The following CTSC variants were observed in gnomAD, a reference collection of about 807,000 sequenced individuals.
CTSC encodes the protein cathepsin C, also known as dipeptidyl peptidase 1.
CTSC carries 37 observed loss-of-function variants against 40.9 expected under a neutral mutation model. The ratio of observed to expected loss-of-function variants is 0.91; its 90% confidence interval spans 0.70 to 1.19. The LOEUF (loss-of-function observed/expected upper bound fraction) is 1.19, where lower values mean the gene tolerates loss of function less well. Ranked by LOEUF, CTSC falls within the 50% of genes most tolerant of loss-of-function variation. The probability of loss-of-function intolerance (pLI) is 0.00; values close to 1 mark genes in which losing one functional copy is unlikely to be tolerated. For missense variants in CTSC, 594 were observed against 567.3 expected, an observed-to-expected ratio of 1.05 and a Z score of -0.48; for synonymous variants, 232 against 207.4, an observed-to-expected ratio of 1.12 and a Z score of -1.02.
chr11:88,311,440 A>G (rs1050513012), intron 3 of CTSC, among the ~76,000 whole-genome samples: 4 of 152,212 alleles, frequency 2.6e-5, no homozygotes, highest in African/African-American at 9.7e-5. Flanking sequence ...TGATTTGTAC[A>G]TGTACATTTT....
At chr11:88,296,086 C>A in intron 6 of CTSC, 47 bp downstream of exon 6, 2 of 1,608,100 alleles carry the variant, frequency 1.2e-6, no homozygotes, top group Non-Finnish European at 1.7e-6. Flanking sequence ...CAGCCAGCTG[C>A]ACACAGGTAA....
intron 2 of CTSC, among the ~76,000 whole-genome samples, chr11:88,327,439 A>G (rs1183670671): frequency 6.6e-6 from 1 of 152,128 alleles, no homozygotes; most frequent in Non-Finnish European, 1.5e-5. Context: ...GTAAGTCTCT[A>G]TTAATTTTAC....
At chr11:88,319,561 T>C (rs1403141006) in intron 2 of CTSC, among the ~76,000 whole-genome samples, 2 of 152,178 alleles carry the variant, frequency 1.3e-5, no homozygotes, top group Non-Finnish European at 2.9e-5. Context: ...ACAGGGACTC[T>C]AACATTACTT....
chr11:88,336,038 T>C (rs1445855504), intron 1 of CTSC, among the ~76,000 whole-genome samples: 1 of 152,252 alleles, frequency 6.6e-6, no homozygotes, highest in East Asian at 1.9e-4. Flanking sequence ...GACCTGTGGG[T>C]GCCTTTAATT....
At chr11:88,310,552 T>C (rs1200314090) in intron 3 of CTSC, among the ~76,000 whole-genome samples, 1 of 152,190 alleles carries the variant, frequency 6.6e-6, no homozygotes, top group Non-Finnish European at 1.5e-5. Context: ...TTATAAATCA[T>C]GTGTGTAGAG....
chr11:88,306,274 G>C (rs1937630949), intron 4 of CTSC, among the ~76,000 whole-genome samples: 1 of 152,146 alleles, frequency 6.6e-6, no homozygotes, highest in African/African-American at 2.4e-5. Context: ...AGATGAAAAA[G>C]TTAGTAATGT....
chr11:88,324,636 A>AT, intron 2 of CTSC: 3 of 984,770 alleles, frequency 3.0e-6, no homozygotes, highest in Non-Finnish European at 3.6e-6. Flanking sequence ...AGAAATACAG[A>AT]TTTTCAATCT....
chr11:88,335,899 G>T (rs1240376685), intron 1 of CTSC, among the ~76,000 whole-genome samples: 2 of 152,112 alleles, frequency 1.3e-5, no homozygotes, highest in Admixed American at 1.3e-4. Context: ...CTCCTCAAAG[G>T]CTCTACAGTT....
chr11:88,327,517 A>G (rs1351266137), intron 2 of CTSC, among the ~76,000 whole-genome samples: 1 of 152,210 alleles, frequency 6.6e-6, no homozygotes, highest in African/African-American at 2.4e-5. Context: ...AATGATTTAA[A>G]CATCTATTCT....
chr11:88,294,258 G>A lies in CTSC; in HGVS notation c.1140C>T (p.Phe380=), dbSNP rs1555025799. Residue 380 remains phenylalanine, a synonymous_variant, in exon 7 of 7, where the codon TTC becomes TTT. Coordinates refer to ENST00000227266, the MANE Select transcript of CTSC (RefSeq NM_001814.6). ...MAVAFEVYDD[F]LHYKKGIYHH... ...GGTAGATCCCCTTTTTGTAGTGGAG[G>A]AAGTCATCATATACTTCAAAAGCAA... 3 of 1,613,874 alleles carry A rather than the reference G, an allele frequency of 1.9e-6. No homozygotes were observed. The highest frequency in any genetic ancestry group is 2.2e-5 in the South Asian group (2 of 91,080).
At chr11:88,296,354 T>C in intron 5 of CTSC, 90 bp from the exon 6 acceptor site, 1 of 1,463,624 alleles carries the variant, frequency 6.8e-7, no homozygotes, top group Non-Finnish European at 9.5e-7. Context: ...CATACATTAA[T>C]GTTTATACTG....
At chr11:88,304,036 T>C (rs1937608353) in intron 4 of CTSC, among the ~76,000 whole-genome samples, 2 of 151,834 alleles carry the variant, frequency 1.3e-5, no homozygotes, top group Non-Finnish European at 2.9e-5. Flanking sequence ...GTGGACAAAA[T>C]CTAGTATGTG....
intron 2 of CTSC, chr11:88,324,636 A>G: frequency 3.0e-6 from 3 of 984,770 alleles, no homozygotes; most frequent in Non-Finnish European, 3.6e-6. Context: ...AGAAATACAG[A>G]TTTTCAATCT....
Position 88,337,695 on chromosome 11 carries a change from G to A in CTSC, c.-23C>T, listed in dbSNP as rs886048743. The A allele has an allele frequency of 1.3e-6, 2 of 1,559,026 alleles. No homozygotes were observed. The highest frequency in any genetic ancestry group is 2.4e-5 in the East Asian group (1 of 41,668). ...CATGCTGCAGGGAGCTGAGAAAAGA[G>A]GTGAAGAATTACCAGGAAGCCGAGC... On this transcript the variant is annotated 5_prime_UTR_variant, in exon 1 of 7. Transcript: ENST00000227266.
At position 88,309,990 on chromosome 11, in the gene CTSC, T is replaced by C. The variant is rs538199910; in HGVS notation, c.486-672A>G. Among the ~76,000 whole-genome samples, 20 of 152,218 alleles carry C rather than the reference T, an allele frequency of 1.3e-4. 1 individual carries two copies. The South Asian group carries it at 4.1e-3, about 32-fold the overall frequency. On this transcript the variant is annotated intron_variant, in intron 3 of 6. Coordinates refer to ENST00000227266, the MANE Select transcript of CTSC (RefSeq NM_001814.6). ...AGAAAAAAGAGAAAAGCAAAACCTGTATGCAACATATATACAAAATGCAAG... is the reference window on the plus strand; with the variant it reads ...AGAAAAAAGAGAAAAGCAAAACCTGCATGCAACATATATACAAAATGCAAG...
At chr11:88,326,700 A>T (rs1334192417) in intron 2 of CTSC, among the ~76,000 whole-genome samples, 1 of 152,234 alleles carries the variant, frequency 6.6e-6, no homozygotes, top group African/African-American at 2.4e-5. Flanking sequence ...TGCCACTGAA[A>T]AAAACGAATA....
At chr11:88,326,509 A>T in intron 2 of CTSC, 1 of 996,682 alleles carries the variant, frequency 1.0e-6, no homozygotes, top group Non-Finnish European at 1.5e-6. Flanking sequence ...ATATTTAATC[A>T]TATCAGTTTC....
chr11:88,331,357 T>A (rs1938350537), intron 2 of CTSC, among the ~76,000 whole-genome samples: 1 of 152,206 alleles, frequency 6.6e-6, no homozygotes. Context: ...TAACCCCCTC[T>A]TTGGGTTCAA....
intron 2 of CTSC, chr11:88,328,251 C>G (rs1400508461): frequency 4.8e-6 from 6 of 1,245,044 alleles, no homozygotes; most frequent in Non-Finnish European, 7.1e-6. Flanking sequence ...TAAGCATCAT[C>G]ATGAAAGAAG....
Sources: allele counts gnomAD v4.1 joint callset (sites outside exome capture counted in the v4.1 genomes callset), GRCh38; gene constraint gnomAD v4.1.1; transcripts MANE v1.5; gene names NCBI Gene and HGNC (gene_info 2026-07-23, HGNC 2026-07-21).